The following HAP1 variants were observed in gnomAD, a reference collection of about 807,000 sequenced individuals.
The protein encoded by HAP1 is huntingtin-associated protein 1.
HAP1 carries 59 observed loss-of-function variants against 60.3 expected under a neutral mutation model. The observed-to-expected ratio is 0.98, with a 90% CI of 0.79 to 1.22. The LOEUF (loss-of-function observed/expected upper bound fraction) is 1.22, where lower values mean the gene tolerates loss of function less well. Among genes scored for constraint, HAP1 ranks in the 50% most tolerant of loss-of-function variants. The probability of loss-of-function intolerance (pLI) is 0.00; values close to 1 mark genes in which losing one functional copy is unlikely to be tolerated. For missense variants in HAP1, 825 were observed against 785.3 expected (o/e 1.05, Z -0.60); for synonymous variants, 346 against 330.6 (o/e 1.05, Z -0.50).
chr17:41,728,201 C>G lies in HAP1; in HGVS notation c.1200G>C (p.Met400Ile), dbSNP rs1555589506. The change falls in exon 7 of 11, where the codon ATG becomes ATC. Residue 400 changes from methionine (M) to isoleucine (I), a missense_variant and splice_region_variant. Coordinates refer to ENST00000347901, the MANE Select transcript of HAP1 (RefSeq NM_177977.3). ...QVLKLQQRCR[M>I]YGAETEKLQK... Reference sequence around the variant, plus strand: ...AGGGTTCCACACACACCCGACTCACCATCCGGCAGCGCTGCTGCAGCTTCA... The same window carrying G: ...AGGGTTCCACACACACCCGACTCACGATCCGGCAGCGCTGCTGCAGCTTCA... 2 of 1,610,878 alleles carry G rather than the reference C, an allele frequency of 1.2e-6. No homozygotes were observed.
chr17:41,718,910 T>C (rs1555586495), downstream of HAP1, among the ~76,000 whole-genome samples: 1 of 152,186 alleles, frequency 6.6e-6, no homozygotes, highest in Non-Finnish European at 1.5e-5. Flanking sequence ...TACTGGTTAA[T>C]TATGTTCTCA....
At chr17:41,726,680 G>A (rs1189157218) in intron 9 of HAP1, among the ~76,000 whole-genome samples, 2 of 151,794 alleles carry the variant, frequency 1.3e-5, no homozygotes, top group Non-Finnish European at 2.9e-5. Flanking sequence ...CTGGCCAACA[G>A]GGTGAAACTG....
Position 41,734,195 on chromosome 17 carries a change from C to A in HAP1, c.440G>T (p.Arg147Leu). Residue 147 changes from arginine (R) to leucine (L), a missense_variant, in exon 1 of 11, where the codon CGC (arginine) becomes CTC (leucine). By Grantham distance (102) the Arg-to-Leu change is moderately radical (BLOSUM62 -2). Coordinates refer to ENST00000347901, the MANE Select transcript of HAP1 (RefSeq NM_177977.3). ...CTCCAGCTCCCGAATAAAGGCGGCG[C>A]GCTCAGGGCCGGACACCCCGGGTCG... ...GRRPGVSGPE[R>L]AAFIRELEEA... 6.3e-7 allele frequency: 1 copy of A among 1,587,182 alleles called. No homozygotes were observed. The highest frequency in any genetic ancestry group is 8.6e-7 in the Non-Finnish European group (1 of 1,160,894).
At chr17:41,721,179 T>C (rs1016988547), downstream of HAP1, 2 of 152,228 alleles carry the variant, frequency 1.3e-5, no homozygotes, top group Non-Finnish European at 2.9e-5. Flanking sequence ...ATCTTCTCAA[T>C]GATATTCTTT....
In HAP1 at chr17:41,727,687, TGCCAAGGGCCTGGGGTCCCCACTCTGG is replaced by T. The variant is rs1911775123; in HGVS notation, c.1275+48_1275+74del. The T allele has an allele frequency of 3.5e-5, 32 of 925,118 alleles. 1 individual carries two copies. In the East Asian group the frequency reaches 7.8e-4, roughly 22 times the overall value. 57.3% of individuals were successfully genotyped at this position (925,118 alleles called of 1,614,324 possible). A position where few individuals can be genotyped will look rare whatever the true frequency, so the allele number is the denominator to read the frequency against. On this transcript the variant is annotated intron_variant, in intron 8 of 10. Coordinates refer to ENST00000347901, the MANE Select transcript of HAP1 (RefSeq NM_177977.3). The stretch of plus-strand genomic sequence containing the variant: ...CTAGTCCTCTCCAGAGTCAGGTAGC[TGCCAAGGGCCTGGGGTCCCCACTCTGG>T]GCCAGCGGCTCTCCAGGGTGGGGGC...
chr17:41,724,654 C>A lies in HAP1; in HGVS notation c.*47G>T, dbSNP rs1555588069. 7.2e-7 allele frequency: 1 copy of A among 1,397,246 alleles called. No individual in the cohort carries two copies. The highest frequency in any genetic ancestry group is 1.3e-5 in the South Asian group (1 of 78,772). The allele number at this position is 1,397,246 out of a possible 1,614,324, so 86.6% of individuals were successfully genotyped here. ...TGCAAATAAGCACAGCAGGTAGAGC[C>A]AGGCTGGGGCAGGTGAGCACTCGGG... is the stretch of plus-strand genomic sequence containing the variant. On this transcript the variant is annotated 3_prime_UTR_variant, in exon 11 of 11. Transcript: ENST00000347901.
chr17:41,727,554 C>A, intron 8 of HAP1: 1 of 692,600 alleles, frequency 1.4e-6, no homozygotes. Context: ...ATGTGGGGGA[C>A]CCAGGGCAGG....
At position 41,724,910 on chromosome 17, in the gene HAP1, T is replaced by A; in HGVS notation, c.1651A>T (p.Thr551Ser). The change falls in exon 11 of 11, where the codon ACG becomes TCG. Residue 551 changes from threonine to serine, a missense_variant. Transcript: ENST00000347901. The part of the protein sequence containing the change: ...EEVELELDEA[T>S]RMNVVTSALE... ...GCTGATGTCACCACGTTCATCCGCGTTGCCTCATCCAGCTCCAGTTCCACC... is the reference window on the plus strand; with the variant it reads ...GCTGATGTCACCACGTTCATCCGCGATGCCTCATCCAGCTCCAGTTCCACC... 1 of 1,613,670 alleles carries A rather than the reference T, an allele frequency of 6.2e-7. No individual in the cohort carries two copies. The highest frequency in any genetic ancestry group is 8.5e-7 in the Non-Finnish European group (1 of 1,179,994).
chr17:41,731,849 C>T (rs908985002), intron 4 of HAP1, 88 bp downstream of exon 4: 24 of 882,260 alleles, frequency 2.7e-5, no homozygotes, highest in Non-Finnish European at 3.5e-5. Flanking sequence ...GCAACCCTGC[C>T]AGCAAGCACA....
At chr17:41,731,121 G>A (rs1444184881) in intron 6 of HAP1, among the ~76,000 whole-genome samples, 5 of 152,076 alleles carry the variant, frequency 3.3e-5, no homozygotes, top group Admixed American at 6.6e-5. Context: ...AAGTTGGTTA[G>A]GCTGGTCTCA....
At chr17:41,731,264 A>AG (rs1555590781) in intron 6 of HAP1, among the ~76,000 whole-genome samples, 2 of 152,154 alleles carry the variant, frequency 1.3e-5, no homozygotes, top group Non-Finnish European at 2.9e-5. Flanking sequence ...GTACTTCCTC[A>AG]GCTGTTGACA....
At chr17:41,733,751 C>A (rs1029557921) in intron 1 of HAP1, among the ~76,000 whole-genome samples, 24 of 152,174 alleles carry the variant, frequency 1.6e-4, no homozygotes, top group African/African-American at 5.5e-4. Context: ...GCAAAACTTC[C>A]CCCTCCGCCC....
intron 10 of HAP1, among the ~76,000 whole-genome samples, 179 bp from the exon 11 acceptor site, chr17:41,725,333 G>A (rs1435177200): frequency 6.6e-6 from 1 of 152,066 alleles, no homozygotes; most frequent in Non-Finnish European, 1.5e-5. Context: ...CTGGTGGGAG[G>A]GAGGAAGAAT....
chr17:41,728,692 T>C (rs1361921879), intron 6 of HAP1, among the ~76,000 whole-genome samples: 2 of 152,056 alleles, frequency 1.3e-5, no homozygotes, highest in Non-Finnish European at 2.9e-5. Context: ...GAAGGATTCC[T>C]GGAAAAAGGA....
chr17:41,725,069 G>T lies in HAP1; in HGVS notation c.1492C>A (p.Arg498=). The T allele has an allele frequency of 1.2e-6, 2 of 1,612,308 alleles. No individual in the cohort carries two copies. The highest frequency in any genetic ancestry group is 1.7e-5 in the Admixed American group (1 of 59,904). ...EGLMLAADIM[R]GEDFTPAEEF... is the part of the protein sequence containing the mutation. Reference sequence around the variant, plus strand: ...TCCGCAGGCGTGAAATCTTCCCCCCGCATGATATCCGCTGCCAGCATCAAC... The same window carrying T: ...TCCGCAGGCGTGAAATCTTCCCCCCTCATGATATCCGCTGCCAGCATCAAC... The change falls in exon 11 of 11, where the codon CGG becomes AGG. Residue 498 remains arginine (R), a synonymous_variant. Coordinates refer to ENST00000347901, the MANE Select transcript of HAP1 (RefSeq NM_177977.3).
intron 6 of HAP1, 132 bp from the exon 7 acceptor site, chr17:41,728,463 A>C (rs1555589641): frequency 1.2e-5 from 9 of 723,452 alleles, no homozygotes; most frequent in Non-Finnish European, 2.0e-5. Context: ...AGGGCTTTGC[A>C]TTCCTCACTC....
chr17:41,726,998 C>T, intron 9 of HAP1, 55 bp downstream of exon 9: 1 of 886,712 alleles, frequency 1.1e-6, no homozygotes, highest in Non-Finnish European at 1.8e-6. Flanking sequence ...AAACCCCCTC[C>T]CCACTACAGG....
At position 41,727,854 on chromosome 17, in the gene HAP1, C is replaced by G. The variant is rs1402654328; in HGVS notation, c.1201-18G>C. On this transcript the variant is annotated intron_variant, in intron 7 of 10. Coordinates refer to ENST00000347901, the MANE Select transcript of HAP1 (RefSeq NM_177977.3). ...GCCCCATACTGGAAGGACCCAAAACCAGTGAACCCCCATCTGAGGCCTACC... is the reference window on the plus strand; with the variant it reads ...GCCCCATACTGGAAGGACCCAAAACGAGTGAACCCCCATCTGAGGCCTACC... The G allele has an allele frequency of 6.6e-7, 1 of 1,508,398 alleles. No homozygotes were observed. The highest frequency in any genetic ancestry group is 9.2e-7 in the Non-Finnish European group (1 of 1,084,586). 93.4% of individuals were successfully genotyped at this position (1,508,398 alleles called of 1,614,324 possible).
chr17:41,734,501 C>T lies in HAP1; in HGVS notation c.134G>A (p.Gly45Asp), dbSNP rs1912555419. The change falls in exon 1 of 11, where the codon GGC (glycine) becomes GAC (aspartate). Residue 45 changes from glycine to aspartate, a missense_variant. Gly to Asp is a moderately conservative substitution (Grantham distance 94, BLOSUM62 -1). Transcript: ENST00000347901. ...TCGGGATCCTACTCTCTGTCCAGTG[C>T]CCCGTGCCTGCGGCTGCGCAGAGGG... ...PEPSAQPQAR[G>D]TGQRVGSRAT... 2 of 1,612,242 alleles carry T rather than the reference C, an allele frequency of 1.2e-6. No homozygotes were observed. Among genetic ancestry groups the T allele is most frequent in the Admixed American group, 1.7e-5 (1 of 60,002 alleles).
Sources: allele counts gnomAD v4.1 joint callset (sites outside exome capture counted in the v4.1 genomes callset), GRCh38; gene constraint gnomAD v4.1.1; transcripts MANE v1.5; gene names NCBI Gene and HGNC (gene_info 2026-07-23, HGNC 2026-07-21).